The following KLHL12 variants were observed in gnomAD, a reference collection of about 807,000 sequenced individuals.
KLHL12 encodes kelch-like protein 12.
A neutral mutation model predicts 60.8 loss-of-function variants in KLHL12; 17 were observed. The ratio of observed to expected loss-of-function variants is 0.28; its 90% CI spans 0.19 to 0.42. The LOEUF (loss-of-function observed/expected upper bound fraction) is 0.42. Ranked by LOEUF, KLHL12 falls within the 10% of genes least tolerant of loss-of-function variation. The pLI is 1.00. For synonymous variants in KLHL12, 220 were observed against 250.9 expected (o/e 0.88, Z 1.16); for missense variants, 468 against 722.3 (o/e 0.65, Z 4.04).
intron 6 of KLHL12, among the ~76,000 whole-genome samples, chr1:202,900,848 A>G (rs948146825): frequency 2.0e-5 from 3 of 152,128 alleles, no homozygotes; most frequent in Non-Finnish European, 1.5e-5. Context: ...TAGGTGACAG[A>G]GCAAGACTCT....
At chr1:202,904,461 A>G (rs1660122456) in intron 6 of KLHL12, among the ~76,000 whole-genome samples, 2 of 152,308 alleles carry the variant, frequency 1.3e-5, no homozygotes, top group African/African-American at 2.4e-5. Flanking sequence ...AAGAACTCCT[A>G]AGGTTTTAAT....
At position 202,893,335 on chromosome 1, in the gene KLHL12, A is replaced by C; in HGVS notation, c.1484T>G (p.Ile495Ser). ...AHLSSVEAYN[I>S]RTDSWTTVTS... ...GACAGTTGTCCAGGAATCAGTGCGAATGTTGTATGCTTCAACGGAAGAAAG... is the reference window on the plus strand; with the variant it reads ...GACAGTTGTCCAGGAATCAGTGCGACTGTTGTATGCTTCAACGGAAGAAAG... Residue 495 changes from isoleucine to serine, a missense_variant, in exon 11 of 12, where the codon ATT (isoleucine) becomes AGT (serine). Transcript: ENST00000367261. The surrounding 1 kb of genome is among the most constrained non-coding windows in gnomAD (Gnocchi z 4.1). 1 of 1,614,000 alleles carries C rather than the reference A, an allele frequency of 6.2e-7. No individual in the cohort carries two copies. Among genetic ancestry groups the C allele is most frequent in the Non-Finnish European group, 8.5e-7 (1 of 1,179,922 alleles).
At chr1:202,923,121 A>G (rs1660748463) in intron 2 of KLHL12, among the ~76,000 whole-genome samples, 1 of 152,186 alleles carries the variant, frequency 6.6e-6, no homozygotes, top group East Asian at 1.9e-4. Flanking sequence ...TAAAGACAAA[A>G]CCATCTAGCA....
intron 7 of KLHL12, among the ~76,000 whole-genome samples, chr1:202,896,375 G>C (rs1270077560): frequency 6.6e-6 from 1 of 152,062 alleles, no homozygotes; most frequent in Non-Finnish European, 1.5e-5. Flanking sequence ...CTTTTTTGTA[G>C]AGACAGAGTC....
intron 2 of KLHL12, among the ~76,000 whole-genome samples, chr1:202,921,748 T>C (rs1375500298): frequency 6.6e-6 from 1 of 152,220 alleles, no homozygotes; most frequent in Non-Finnish European, 1.5e-5. Flanking sequence ...AAATACCTTA[T>C]GAAAATTTTA....
At chr1:202,911,021 G>T in intron 5 of KLHL12, 33 bp downstream of exon 5, 1 of 1,609,994 alleles carries the variant, frequency 6.2e-7, no homozygotes, top group Non-Finnish European at 8.5e-7. Context: ...AGTCCGTCAA[G>T]GTTTTGGATC....
chr1:202,905,678 C>T (rs537605342), intron 6 of KLHL12, among the ~76,000 whole-genome samples: 7 of 152,306 alleles, frequency 4.6e-5, no homozygotes, highest in South Asian at 2.1e-4. Context: ...CAACTATTTG[C>T]GCATCCCTAA....
At chr1:202,911,227 G>A (rs111401543) in intron 4 of KLHL12, 24 bp from the exon 5 acceptor site, 71 of 1,611,602 alleles carry the variant, frequency 4.4e-5, no homozygotes, top group African/African-American at 4.3e-4. Flanking sequence ...ATTACACACC[G>A]TGGATCCTAC....
rs752399607 is a variant in KLHL12 at position 202,909,062 on chromosome 1, C to A, written c.780G>T (p.Leu260=). 6.2e-7 allele frequency: 1 copy of A among 1,614,074 alleles called. No individual in the cohort carries two copies. Among genetic ancestry groups the A allele is most frequent in the Admixed American group, 1.7e-5 (1 of 60,008 alleles). The part of the protein sequence containing the change: ...DLVDEAKKFH[L]RPELRSQMQG... ...GCATCTGACTCCGAAGTTCAGGCCT[C>A]AGATGAAACTTCTTTGCTTCATCAA... The change falls in exon 6 of 12, where the codon CTG becomes CTT. Residue 260 remains leucine (L), a synonymous_variant. Coordinates refer to ENST00000367261, the MANE Select transcript of KLHL12 (RefSeq NM_021633.4). The surrounding 1 kb of genome is among the most constrained non-coding windows in gnomAD (Gnocchi z 4.1).
chr1:202,911,638 G>A (rs1418293231), intron 4 of KLHL12, among the ~76,000 whole-genome samples: 1 of 152,094 alleles, frequency 6.6e-6, no homozygotes, highest in Non-Finnish European at 1.5e-5. Flanking sequence ...ATAATTTTAA[G>A]TCATAATTGT....
chr1:202,900,011 C>T (rs1485217424), intron 6 of KLHL12, among the ~76,000 whole-genome samples: 1 of 152,052 alleles, frequency 6.6e-6, no homozygotes, highest in Non-Finnish European at 1.5e-5. Context: ...TCTTACTCCA[C>T]CTCTTTTCTT....
intron 6 of KLHL12, among the ~76,000 whole-genome samples, chr1:202,902,069 T>C (rs2102417834): frequency 6.6e-6 from 1 of 152,182 alleles, no homozygotes; most frequent in East Asian, 1.9e-4. Flanking sequence ...TTACCCATAG[T>C]TCCACAATAC....
chr1:202,898,231 T>C (rs1379251662), intron 6 of KLHL12, among the ~76,000 whole-genome samples: 1 of 152,106 alleles, frequency 6.6e-6, no homozygotes, highest in Non-Finnish European at 1.5e-5. Context: ...CAAAGTCTCT[T>C]TGAGAAAATC....
At position 202,911,214 on chromosome 1, in the gene KLHL12, A is replaced by T. The variant is rs1344332896; in HGVS notation, c.568-11T>A. 3 of 1,613,680 alleles carry T rather than the reference A, an allele frequency of 1.9e-6. No individual in the cohort carries two copies. Among genetic ancestry groups the T allele is most frequent in the Non-Finnish European group, 2.5e-6 (3 of 1,179,846 alleles). ...CTCTTCAGAATCCACCTGTAAATGTATAATTACACACCGTGGATCCTACTT... is the reference window on the plus strand; with the variant it reads ...CTCTTCAGAATCCACCTGTAAATGTTTAATTACACACCGTGGATCCTACTT... On this transcript the variant is annotated splice_polypyrimidine_tract_variant and intron_variant, in intron 4 of 11. Coordinates refer to ENST00000367261, the MANE Select transcript of KLHL12 (RefSeq NM_021633.4).
intron 4 of KLHL12, among the ~76,000 whole-genome samples, chr1:202,917,696 G>A (rs1199999772): frequency 6.6e-6 from 1 of 152,092 alleles, no homozygotes; most frequent in Non-Finnish European, 1.5e-5. Flanking sequence ...ACTTTGTATA[G>A]GCTCACTATT....
intron 1 of KLHL12, among the ~76,000 whole-genome samples, chr1:202,925,796 C>G (rs915365576): frequency 5.3e-5 from 8 of 152,014 alleles, no homozygotes; most frequent in Non-Finnish European, 1.2e-4. Context: ...CCAAACATAT[C>G]TGGATTTCTT....
At chr1:202,927,785 G>T (rs1653678270), upstream of KLHL12, among the ~76,000 whole-genome samples, 1 of 146,892 alleles carries the variant, frequency 6.8e-6, no homozygotes, top group African/African-American at 2.5e-5. Context: ...TTCGAGACCA[G>T]CCTGGCCAAC....
In KLHL12 at chr1:202,895,616, T is replaced by A. The variant is rs751086647; in HGVS notation, c.1041A>T (p.Glu347Asp). Residue 347 changes from glutamate (E) to aspartate (D), a missense_variant, in exon 8 of 12, where the codon GAA becomes GAT. Coordinates refer to ENST00000367261, the MANE Select transcript of KLHL12 (RefSeq NM_021633.4). The surrounding 1 kb of genome is among the most constrained non-coding windows in gnomAD (Gnocchi z 4.2). ...YDGRSRLSSV[E>D]CLDYTADEDG... is the part of the protein sequence containing the mutation. ...CCTCATCTGCTGTGTAGTCTAGACA[T>A]TCCACTGAACTAAGGCGGGAACGGC... 1.2e-6 allele frequency: 2 copies of A among 1,614,054 alleles called. No homozygotes were observed. Among genetic ancestry groups the A allele is most frequent in the East Asian group, 2.2e-5 (1 of 44,886 alleles).
intron 2 of KLHL12, among the ~76,000 whole-genome samples, chr1:202,923,830 C>A (rs1434372337): frequency 2.0e-5 from 3 of 150,292 alleles, no homozygotes; most frequent in Non-Finnish European, 3.0e-5. Context: ...GATTCAGCAG[C>A]AATATCTACA....
Sources: allele counts gnomAD v4.1 joint callset (sites outside exome capture counted in the v4.1 genomes callset), GRCh38; gene constraint gnomAD v4.1.1; non-coding constraint Gnocchi (gnomAD v3.1); transcripts MANE v1.5; gene names NCBI Gene and HGNC (gene_info 2026-07-23, HGNC 2026-07-21).